The following TPH1 variants were observed in gnomAD, a reference collection of about 807,000 sequenced individuals.
The protein encoded by TPH1 is tryptophan 5-hydroxylase 1.
In TPH1, 37 loss-of-function variants were observed where a neutral mutation model predicts 49.5. The observed-to-expected ratio is 0.75, with a 90% CI of 0.58 to 0.98. The LOEUF (loss-of-function observed/expected upper bound fraction) is 0.98. Among genes scored for constraint, TPH1 ranks in the 50% least tolerant of loss-of-function variants. The pLI is 0.00. For synonymous variants in TPH1, 160 were observed against 182.1 expected, an observed-to-expected ratio of 0.88 and a Z score of 0.98; for missense variants, 487 against 523.6, an observed-to-expected ratio of 0.93 and a Z score of 0.68.
chr11:18,042,090 C>G (rs1848103105), intron 1 of TPH1, among the ~76,000 whole-genome samples: 1 of 152,124 alleles, frequency 6.6e-6, no homozygotes, highest in African/African-American at 2.4e-5. Context: ...ACCACCCCAC[C>G]CCTTTGATCA....
chr11:18,018,529 G>C lies in TPH1; in HGVS notation c.*2462C>G, dbSNP rs1042388172. 6.6e-6 allele frequency: 1 copy of C among 151,618 alleles called. No individual in the cohort carries two copies. Among genetic ancestry groups the C allele is most frequent in the Non-Finnish European group, 1.5e-5 (1 of 67,948 alleles). The allele number at this position is 151,618 out of a possible 1,614,324, so 9.4% of individuals were successfully genotyped here. The stretch of plus-strand genomic sequence containing the variant: ...AAAATACAAAAAATGAGCCGGACGT[G>C]GTGGCGGGCGCCTGTAGTCCCAGCT... On this transcript the variant is annotated 3_prime_UTR_variant, in exon 11 of 11. Transcript: ENST00000682019.
chr11:18,044,068 T>C (rs1344034424), intron 1 of TPH1, among the ~76,000 whole-genome samples: 1 of 152,160 alleles, frequency 6.6e-6, no homozygotes, highest in Non-Finnish European at 1.5e-5. Context: ...GGGTGAAGGA[T>C]ACATTAATTG....
chr11:18,046,027 A>T (rs182566427), intron 1 of TPH1, among the ~76,000 whole-genome samples: 1 of 152,188 alleles, frequency 6.6e-6, no homozygotes, highest in Non-Finnish European at 1.5e-5. Flanking sequence ...GGCACACAGG[A>T]GGCACTCAGA....
At position 18,019,595 on chromosome 11, in the gene TPH1, A is replaced by G; in HGVS notation, c.*1396T>C. The G allele has an allele frequency of 4.4e-6, 2 of 451,014 alleles. No homozygotes were observed. Among genetic ancestry groups the G allele is most frequent in the Non-Finnish European group, 8.9e-6 (2 of 225,024 alleles). The allele number at this position is 451,014 out of a possible 1,614,324, so 27.9% of individuals were successfully genotyped here. A position where few individuals can be genotyped will look rare whatever the true frequency, so the allele number is the denominator to read the frequency against. On this transcript the variant is annotated 3_prime_UTR_variant, in exon 11 of 11. Coordinates refer to ENST00000682019, the MANE Select transcript of TPH1 (RefSeq NM_004179.3). ...ATTAAGGGGCAAAAAAATTCAAGAA[A>G]GATGTCAGGGTTATAACTGCAAATA... is the stretch of plus-strand genomic sequence containing the variant.
chr11:18,029,612 T>C (rs747959661), intron 4 of TPH1, 33 bp from the exon 5 acceptor site: 3 of 1,508,494 alleles, frequency 2.0e-6, no homozygotes, highest in African/African-American at 2.7e-5. Flanking sequence ...TAAATATCCA[T>C]ACTAAAAAAT....
At chr11:18,046,123 C>T (rs995882553) in intron 1 of TPH1, among the ~76,000 whole-genome samples, 118 bp downstream of exon 1, 3 of 152,180 alleles carry the variant, frequency 2.0e-5, no homozygotes, top group Non-Finnish European at 4.4e-5. Context: ...AATCTGACTC[C>T]GCAAGACCAC....
At chr11:18,040,910 G>GA in intron 1 of TPH1, 122 bp from the exon 2 acceptor site, 1 of 897,544 alleles carries the variant, frequency 1.1e-6, no homozygotes, top group Admixed American at 2.7e-5. Context: ...ATAAAACCTG[G>GA]ATATGCAGAT....
At chr11:18,035,839 G>T (rs1848043353) in intron 3 of TPH1, 120 bp downstream of exon 3, 1 of 836,418 alleles carries the variant, frequency 1.2e-6, no homozygotes, top group Non-Finnish European at 1.9e-6. Context: ...TTCACTATCA[G>T]ACTGTAAGCA....
intron 1 of TPH1, among the ~76,000 whole-genome samples, chr11:18,044,327 T>A (rs369289350): frequency 6.6e-6 from 1 of 151,358 alleles, no homozygotes; most frequent in African/African-American, 2.4e-5. Context: ...GAGGCTGAGG[T>A]AGGAGAATGG....
chr11:18,017,675 C>T lies in TPH1; in HGVS notation c.*3316G>A, dbSNP rs189830632. ...AAAATAGACCATAGTACCTTAAACA[C>T]TTCCTATGAATTAACATATGGACTC... On this transcript the variant is annotated 3_prime_UTR_variant, in exon 11 of 11. Transcript: ENST00000682019. The T allele has an allele frequency of 9.8e-5, 15 of 152,292 alleles. No homozygotes were observed. In the East Asian group the frequency reaches 1.7e-3, roughly 18 times the overall value. 9.4% of individuals were successfully genotyped at this position (152,292 alleles called of 1,614,324 possible). A position where few individuals can be genotyped will look rare whatever the true frequency, so the allele number is the denominator to read the frequency against.
Position 18,020,667 on chromosome 11 carries a change from G to T in TPH1, c.*324C>A. 3.4e-6 allele frequency: 1 copy of T among 291,248 alleles called. No individual in the cohort carries two copies. Among genetic ancestry groups the T allele is most frequent in the Middle Eastern group, 1.2e-3 (1 of 858 alleles). 18.0% of individuals were successfully genotyped at this position (291,248 alleles called of 1,614,324 possible). A position where few individuals can be genotyped will look rare whatever the true frequency, so the allele number is the denominator to read the frequency against. ...TACTCAAGGAGGATTGGGGAAAATAGAGTTAGGCTGAGATTAGATCTATCT... is the reference window on the plus strand; with the variant it reads ...TACTCAAGGAGGATTGGGGAAAATATAGTTAGGCTGAGATTAGATCTATCT... On this transcript the variant is annotated 3_prime_UTR_variant, in exon 11 of 11. Coordinates refer to ENST00000682019, the MANE Select transcript of TPH1 (RefSeq NM_004179.3).
At chr11:18,027,053 G>A (rs1396975087) in intron 6 of TPH1, among the ~76,000 whole-genome samples, 1 of 152,174 alleles carries the variant, frequency 6.6e-6, no homozygotes, top group African/African-American at 2.4e-5. Flanking sequence ...TTAACAAGAT[G>A]TATTCATTTA....
At chr11:18,038,050 G>A (rs545639644) in intron 2 of TPH1, among the ~76,000 whole-genome samples, 11 of 152,172 alleles carry the variant, frequency 7.2e-5, no homozygotes, top group African/African-American at 1.9e-4. Context: ...GCCAAAAACC[G>A]GGACACAAAT....
intron 7 of TPH1, 50 bp downstream of exon 7, chr11:18,026,440 T>A: frequency 2.7e-6 from 4 of 1,465,280 alleles, no homozygotes; most frequent in Non-Finnish European, 2.9e-6. Context: ...TAGATGCCAT[T>A]ATTATAAATA....
At chr11:18,045,276 G>A (rs1206295210) in intron 1 of TPH1, among the ~76,000 whole-genome samples, 1 of 152,140 alleles carries the variant, frequency 6.6e-6, no homozygotes, top group African/African-American at 2.4e-5. Flanking sequence ...GAGGATGAAA[G>A]TGTAGATGAA....
rs1590263377 is a variant in TPH1 at position 18,030,254 on chromosome 11, T to C, written c.403-675A>G. ...GGAGACCCTGTCTGTACAAAAAAAA[T>C]TTAAAATAACAATTATAACTAGCCA... is the stretch of plus-strand genomic sequence containing the variant. On this transcript the variant is annotated intron_variant, in intron 4 of 10. Coordinates refer to ENST00000682019, the MANE Select transcript of TPH1 (RefSeq NM_004179.3). Among the ~76,000 whole-genome samples the C allele has an allele frequency of 2.0e-5, 3 of 147,660 alleles. No homozygotes were observed. The South Asian group carries it at 6.5e-4, about 32-fold the overall frequency.
chr11:18,027,976 C>G, intron 6 of TPH1, among the ~76,000 whole-genome samples: 1 of 152,124 alleles, frequency 6.6e-6, no homozygotes, highest in Non-Finnish European at 1.5e-5. Context: ...GAGAGAAACT[C>G]AAAGACAGCA....
rs574232588 is a variant in TPH1, at chr11:18,018,977, A to G, written c.*2014T>C. 6.6e-6 allele frequency: 1 copy of G among 152,070 alleles called. No homozygotes were observed. The highest frequency in any genetic ancestry group is 1.5e-5 in the Non-Finnish European group (1 of 67,992). 9.4% of individuals were successfully genotyped at this position (152,070 alleles called of 1,614,324 possible). On this transcript the variant is annotated 3_prime_UTR_variant, in exon 11 of 11. Transcript: ENST00000682019. ...CTACATGTTCTAAGATTTGCTATCT[A>G]TTATGATTTGCTTACAGTAGATTTC...
Position 18,019,451 on chromosome 11 carries a change from T to G in TPH1, c.*1540A>C. 3.0e-6 allele frequency: 1 copy of G among 332,730 alleles called. No individual in the cohort carries two copies. Among genetic ancestry groups the G allele is most frequent in the Non-Finnish European group, 5.9e-6 (1 of 170,800 alleles). 20.6% of individuals were successfully genotyped at this position (332,730 alleles called of 1,614,324 possible). Reference sequence around the variant, plus strand: ...ATAGACCTGTTCAATTTGAGATGCTTGGCAGGGCTGTCATATTGAACAACC... The same window carrying G: ...ATAGACCTGTTCAATTTGAGATGCTGGGCAGGGCTGTCATATTGAACAACC... On this transcript the variant is annotated 3_prime_UTR_variant, in exon 11 of 11. Coordinates refer to ENST00000682019, the MANE Select transcript of TPH1 (RefSeq NM_004179.3).
Sources: allele counts gnomAD v4.1 joint callset (sites outside exome capture counted in the v4.1 genomes callset), GRCh38; gene constraint gnomAD v4.1.1; transcripts MANE v1.5; gene names NCBI Gene and HGNC (gene_info 2026-07-23, HGNC 2026-07-21).